The following CRB2 variants were observed in gnomAD, a reference collection of about 807,000 sequenced individuals.
CRB2 encodes protein crumbs homolog 2.
CRB2 carries 85 observed loss-of-function variants against 110.9 expected under a neutral mutation model. That is an observed-to-expected ratio of 0.77 (90% confidence interval 0.64 to 0.92). The LOEUF (loss-of-function observed/expected upper bound fraction) is 0.92, where lower values mean the gene tolerates loss of function less well. Ranked by LOEUF, CRB2 falls within the 40% of genes least tolerant of loss-of-function variation. The pLI, the probability that CRB2 is intolerant of heterozygous loss-of-function variation, is 0.00. For synonymous variants in CRB2, 907 were observed against 831.0 expected (o/e 1.09, Z -1.57); for missense variants, 1,843 against 1,851.3 (o/e 1.00, Z 0.08).
Position 123,378,575 on chromosome 9 carries a change from G to A in CRB2, c.*1513G>A, listed in dbSNP as rs41278272. 0.013 allele frequency: 1,924 copies of A among 152,306 alleles called. 32 individuals are homozygous for A. Among genetic ancestry groups the A allele is most frequent in the Non-Finnish European group, 0.014 (933 of 68,062 alleles). The allele number at this position is 152,306 out of a possible 1,614,324, so 9.4% of individuals were successfully genotyped here. A position where few individuals can be genotyped will look rare whatever the true frequency, so the allele number is the denominator to read the frequency against. On this transcript the variant is annotated 3_prime_UTR_variant, in exon 13 of 13. Coordinates refer to ENST00000373631, the MANE Select transcript of CRB2 (RefSeq NM_173689.7). Reference sequence around the variant, plus strand: ...AACACCAGGCTCAGGGGCTTGCTTGGTCCTTATCCTGTAGGAGGTGGGACC... The same window carrying A: ...AACACCAGGCTCAGGGGCTTGCTTGATCCTTATCCTGTAGGAGGTGGGACC...
In CRB2 at chr9:123,370,566, C is replaced by T; in HGVS notation, c.1513C>T (p.Leu505Phe). The T allele has an allele frequency of 6.2e-7, 1 of 1,613,472 alleles. No individual in the cohort carries two copies. The highest frequency in any genetic ancestry group is 8.5e-7 in the Non-Finnish European group (1 of 1,180,038). The stretch of plus-strand genomic sequence containing the variant: ...ACTCTGGAGCTACAGCACCACTGTG[C>T]TTGTCCTGAGACTGCCGGACCTGGC... ...ATLWSYSTTVLVLRLPDLALN... is the reference protein window; with the variant it reads ...ATLWSYSTTVFVLRLPDLALN... The change falls in exon 7 of 13, where the codon CTT becomes TTT. Residue 505 changes from leucine to phenylalanine, a missense_variant. Physicochemically the swap from Leu to Phe is conservative, Grantham distance 22. Coordinates refer to ENST00000373631, the MANE Select transcript of CRB2 (RefSeq NM_173689.7).
At chr9:123,380,244 G>A (rs1393918869), downstream of CRB2, 1 of 152,396 alleles carries the variant, frequency 6.6e-6, no homozygotes, top group Non-Finnish European at 1.5e-5. Context: ...CTTTAACTTG[G>A]TTTATGGAAA....
intron 2 of CRB2, among the ~76,000 whole-genome samples, chr9:123,365,601 T>A (rs2041919551): frequency 6.6e-6 from 1 of 152,198 alleles, no homozygotes; most frequent in African/African-American, 2.4e-5. Flanking sequence ...GCTATTGCTT[T>A]CCCAAGACCC....
Position 123,370,951 on chromosome 9 carries a change from G to A in CRB2, c.1898G>A (p.Arg633Gln), listed in dbSNP as rs1051613061. Residue 633 changes from arginine to glutamine, a missense_variant, in exon 7 of 13, where the codon CGG becomes CAG. Transcript: ENST00000373631. ...LWTHFRCDCARPHRGPTCADE... is the reference protein window; with the variant it reads ...LWTHFRCDCAQPHRGPTCADE... Reference sequence around the variant, plus strand: ...ACTCATTTCCGTTGCGACTGTGCCCGGCCCCATAGAGGTCCCACGTGCGCT... The same window carrying A: ...ACTCATTTCCGTTGCGACTGTGCCCAGCCCCATAGAGGTCCCACGTGCGCT... The A allele has an allele frequency of 5.0e-6, 8 of 1,609,028 alleles. No individual in the cohort carries two copies. Among genetic ancestry groups the A allele is most frequent in the South Asian group, 2.2e-5 (2 of 90,670 alleles).
chr9:123,360,918 T>A (rs564522921), intron 1 of CRB2, among the ~76,000 whole-genome samples: 1 of 152,312 alleles, frequency 6.6e-6, no homozygotes, highest in East Asian at 1.9e-4. Context: ...CTTCCCTTCC[T>A]GCCTGGCTCT....
In CRB2 at chr9:123,363,449, T is replaced by G. The variant is rs73571408; in HGVS notation, c.418+261T>G. On this transcript the variant is annotated intron_variant, in intron 2 of 12. Coordinates refer to ENST00000373631, the MANE Select transcript of CRB2 (RefSeq NM_173689.7). ...AATGTGATTTCAGTCCAGCCTAGAG[T>G]TCAGTTTGGCTGCGGGGGTGGAATA... 0.025 allele frequency among the ~76,000 whole-genome samples: 3,728 copies of G among 152,158 alleles called. 147 individuals carry two copies. Among genetic ancestry groups the G allele is most frequent in the African/African-American group, 0.085 (3,532 of 41,504 alleles).
Position 123,362,943 on chromosome 9 carries a change from G to A in CRB2, c.173G>A (p.Ser58Asn), listed in dbSNP as rs761776501. ...GGGACCGAGTGCCAGGCTACCGAGAGTGGTGGCTATACCTGTGGGCCCATG... is the reference window on the plus strand; with the variant it reads ...GGGACCGAGTGCCAGGCTACCGAGAATGGTGGCTATACCTGTGGGCCCATG... Reference protein sequence around the residue: ...APGTECQATESGGYTCGPMEP... With the variant: ...APGTECQATENGGYTCGPMEP... Residue 58 changes from serine (S) to asparagine (N), a missense_variant, in exon 2 of 13, where the codon AGT (serine) becomes AAT (asparagine). By Grantham distance (46) the Ser-to-Asn change is conservative (BLOSUM62 1). Transcript: ENST00000373631. The A allele has an allele frequency of 1.9e-6, 3 of 1,606,980 alleles. No homozygotes were observed. Among genetic ancestry groups the A allele is most frequent in the Non-Finnish European group, 1.7e-6 (2 of 1,174,840 alleles).
At chr9:123,361,044 C>T (rs1041339744) in intron 1 of CRB2, among the ~76,000 whole-genome samples, 3 of 152,016 alleles carry the variant, frequency 2.0e-5, no homozygotes, top group East Asian at 3.9e-4. Flanking sequence ...GCACCTCCCC[C>T]GCCCCCCAGG....
chr9:123,374,572 T>C lies in CRB2; in HGVS notation c.3390-7T>C, dbSNP rs2042074137. ...TGCACCCACTCCAGCCTCTGCTCTCTCCCCAGGTTGCCTGTCCCATCCAAG... is the reference window on the plus strand; with the variant it reads ...TGCACCCACTCCAGCCTCTGCTCTCCCCCCAGGTTGCCTGTCCCATCCAAG... On this transcript the variant is annotated splice_polypyrimidine_tract_variant and splice_region_variant and intron_variant, in intron 10 of 12. Coordinates refer to ENST00000373631, the MANE Select transcript of CRB2 (RefSeq NM_173689.7). 1.2e-6 allele frequency: 2 copies of C among 1,609,062 alleles called. No homozygotes were observed. Among genetic ancestry groups the C allele is most frequent in the Non-Finnish European group, 1.7e-6 (2 of 1,176,344 alleles).
At chr9:123,363,859 A>G (rs924249618) in intron 2 of CRB2, among the ~76,000 whole-genome samples, 1 of 152,152 alleles carries the variant, frequency 6.6e-6, no homozygotes, top group African/African-American at 2.4e-5. Context: ...AACATCCTGG[A>G]GCGGCTTCCC....
intron 1 of CRB2, among the ~76,000 whole-genome samples, chr9:123,360,637 C>G (rs1429647459): frequency 6.6e-6 from 1 of 152,158 alleles, no homozygotes; most frequent in Non-Finnish European, 1.5e-5. Flanking sequence ...AATTTGGGGT[C>G]TGGAGTGGGT....
Position 123,370,236 on chromosome 9 carries a change from G to T in CRB2, c.1183G>T (p.Val395Leu). The T allele has an allele frequency of 6.2e-7, 1 of 1,613,290 alleles. No homozygotes were observed. The highest frequency in any genetic ancestry group is 8.5e-7 in the Non-Finnish European group (1 of 1,180,016). Residue 395 changes from valine (V) to leucine (L), a missense_variant, in exon 7 of 13, where the codon GTG becomes TTG. Val to Leu is a conservative substitution (Grantham distance 32). Coordinates refer to ENST00000373631, the MANE Select transcript of CRB2 (RefSeq NM_173689.7). Reference protein sequence around the residue: ...PETWGGRDCSVQLTGCQGHTC... With the variant: ...PETWGGRDCSLQLTGCQGHTC... ...GACCTGGGGTGGGCGCGACTGTTCTGTGCAGCTCACTGGCTGCCAGGGCCA... is the reference window on the plus strand; with the variant it reads ...GACCTGGGGTGGGCGCGACTGTTCTTTGCAGCTCACTGGCTGCCAGGGCCA...
intron 2 of CRB2, 65 bp from the exon 3 acceptor site, chr9:123,365,852 C>A: frequency 4.3e-6 from 6 of 1,399,382 alleles, no homozygotes; most frequent in Non-Finnish European, 5.7e-6. Context: ...GCAGGCCTGG[C>A]GCGACCTCTT....
chr9:123,355,944 C>A (rs2041792140), upstream of CRB2, among the ~76,000 whole-genome samples: 1 of 151,870 alleles, frequency 6.6e-6, no homozygotes, highest in South Asian at 2.1e-4. Flanking sequence ...ACAGAAATTT[C>A]TCCAAGGAGG....
At chr9:123,359,466 T>TTTTA (rs2041842306) in intron 1 of CRB2, among the ~76,000 whole-genome samples, 1 of 132,124 alleles carries the variant, frequency 7.6e-6, no homozygotes, top group Admixed American at 7.8e-5. Context: ...TTTTTTTTTT[T>TTTTA]AAGAAAGGGT....
Position 123,372,349 on chromosome 9 carries a change from G to A in CRB2, c.2602+7G>A, listed in dbSNP as rs1193218817. 6.3e-7 allele frequency: 1 copy of A among 1,585,588 alleles called. No homozygotes were observed. Among genetic ancestry groups the A allele is most frequent in the African/African-American group, 1.3e-5 (1 of 74,780 alleles). On this transcript the variant is annotated splice_region_variant and intron_variant, in intron 9 of 12. Coordinates refer to ENST00000373631, the MANE Select transcript of CRB2 (RefSeq NM_173689.7). Reference sequence around the variant, plus strand: ...GTCCCTGATGGCTTTGTGTGTGAGTGTGTGTCCTGGGCAGCTCCCGTGCTG... The same window carrying A: ...GTCCCTGATGGCTTTGTGTGTGAGTATGTGTCCTGGGCAGCTCCCGTGCTG...
intron 1 of CRB2, 101 bp from the exon 2 acceptor site, chr9:123,362,764 C>T: frequency 8.7e-7 from 1 of 1,154,944 alleles, no homozygotes; most frequent in South Asian, 1.5e-5. Context: ...ATGCAGAGAC[C>T]CACGTTGCTT....
intron 11 of CRB2, 114 bp from the exon 12 acceptor site, chr9:123,375,103 C>A: frequency 6.7e-7 from 1 of 1,488,014 alleles, no homozygotes; most frequent in Non-Finnish European, 9.2e-7. Context: ...CGCATGGGGA[C>A]AGTGGATGGA....
intron 1 of CRB2, among the ~76,000 whole-genome samples, chr9:123,359,147 C>T (rs979731851): frequency 6.6e-6 from 1 of 152,086 alleles, no homozygotes; most frequent in African/African-American, 2.4e-5. Flanking sequence ...AGAAGGTAAA[C>T]ATTTTTGAAA....
Sources: allele counts gnomAD v4.1 joint callset (sites outside exome capture counted in the v4.1 genomes callset), GRCh38; gene constraint gnomAD v4.1.1; transcripts MANE v1.5; gene names NCBI Gene and HGNC (gene_info 2026-07-23, HGNC 2026-07-21).